Variants in CACNA2D3 observed in about 807,000 individuals in gnomAD.
CACNA2D3 encodes the protein voltage-dependent calcium channel subunit alpha-2/delta-3.
Under a neutral mutation model 160.6 loss-of-function variants are expected in CACNA2D3, and 60 were observed. The ratio of observed to expected loss-of-function variants is 0.37; its 90% CI spans 0.30 to 0.46. The LOEUF (loss-of-function observed/expected upper bound fraction) is 0.46, where lower values mean the gene tolerates loss of function less well. Among genes scored for constraint, CACNA2D3 ranks in the 20% least tolerant of loss-of-function variants. The pLI is 1.00. For synonymous variants in CACNA2D3, 558 were observed against 492.9 expected, an observed-to-expected ratio of 1.13 and a Z score of -1.75; for missense variants, 1,205 against 1,365.0, an observed-to-expected ratio of 0.88 and a Z score of 1.85.
chr3:54,839,631 C>T (rs923054202), intron 16 of CACNA2D3, among the ~76,000 whole-genome samples: 2 of 152,110 alleles, frequency 1.3e-5, no homozygotes, highest in Non-Finnish European at 1.5e-5. Flanking sequence ...AAAGGGAGCC[C>T]AGGAATCAGG....
rs549490053 is a variant in CACNA2D3, at chr3:54,401,204, A to G, written c.381+14430A>G. On this transcript the variant is annotated intron_variant, in intron 4 of 37. Transcript: ENST00000474759. ...AAATTACCTAGTCAACGGAAAAAAAAGAAAAATGAATGAAAGATTGAAGAC... is the reference window on the plus strand; with the variant it reads ...AAATTACCTAGTCAACGGAAAAAAAGGAAAAATGAATGAAAGATTGAAGAC... Among the ~76,000 whole-genome samples the G allele has an allele frequency of 2.4e-4, 36 of 152,286 alleles. No homozygotes were observed. In the South Asian group the frequency reaches 7.3e-3, roughly 31 times the overall value.
intron 4 of CACNA2D3, among the ~76,000 whole-genome samples, chr3:54,400,973 T>G (rs1262524995): frequency 6.6e-6 from 1 of 152,060 alleles, no homozygotes; most frequent in South Asian, 2.1e-4. Flanking sequence ...AGATTTGAGA[T>G]AAGATAGGCA....
chr3:54,222,904 T>TA (rs1307261425), intron 2 of CACNA2D3, among the ~76,000 whole-genome samples: 2 of 152,248 alleles, frequency 1.3e-5, no homozygotes, highest in African/African-American at 4.8e-5. Flanking sequence ...AATGTACTTA[T>TA]AATTAATGGA....
rs574798162 is a variant in CACNA2D3 at position 54,577,494 on chromosome 3, AT to A, written c.889-4308del. Reference sequence around the variant, plus strand: ...GATCTCCAGAGAAGGCCAAGGACACATGCCCCTGTTCCAAAGAGTGAGTCAC... The same window carrying A: ...GATCTCCAGAGAAGGCCAAGGACACAGCCCCTGTTCCAAAGAGTGAGTCAC... On this transcript the variant is annotated intron_variant, in intron 8 of 37. Coordinates refer to ENST00000474759, the MANE Select transcript of CACNA2D3 (RefSeq NM_018398.3). Among the ~76,000 whole-genome samples the A allele has an allele frequency of 2.5e-3, 377 of 152,326 alleles. 2 individuals are homozygous for A. Among genetic ancestry groups the A allele is most frequent in the Non-Finnish European group, 3.3e-3 (227 of 68,020 alleles).
chr3:54,628,423 C>T (rs1266456315), intron 10 of CACNA2D3, among the ~76,000 whole-genome samples: 8 of 152,030 alleles, frequency 5.3e-5, no homozygotes, highest in Admixed American at 5.2e-4. Flanking sequence ...GCAGCAGGAG[C>T]CAAATTGAGT....
intron 3 of CACNA2D3, among the ~76,000 whole-genome samples, chr3:54,342,729 C>T (rs891827258): frequency 2.6e-5 from 4 of 152,300 alleles, no homozygotes; most frequent in East Asian, 1.9e-4. Context: ...ACATCAATAA[C>T]GAGAGTGTCT....
At chr3:54,529,755 TC>T (rs1701778993) in intron 5 of CACNA2D3, among the ~76,000 whole-genome samples, 1 of 152,236 alleles carries the variant, frequency 6.6e-6, no homozygotes. Flanking sequence ...TAATTATCTT[TC>T]TTTATAATTC....
chr3:54,155,835 A>G (rs891935972), intron 2 of CACNA2D3, among the ~76,000 whole-genome samples: 3 of 152,210 alleles, frequency 2.0e-5, no homozygotes, highest in Non-Finnish European at 4.4e-5. Context: ...ACTTCCCAGA[A>G]CAAAACTTCA....
At chr3:54,693,494 G>A (rs1172494313) in intron 11 of CACNA2D3, among the ~76,000 whole-genome samples, 3 of 152,174 alleles carry the variant, frequency 2.0e-5, no homozygotes, top group Non-Finnish European at 4.4e-5. Context: ...TGATAACTAT[G>A]TTACTGGTTT....
chr3:54,444,495 G>A (rs1160375969), intron 4 of CACNA2D3, among the ~76,000 whole-genome samples: 5 of 152,100 alleles, frequency 3.3e-5, no homozygotes, highest in Non-Finnish European at 5.9e-5. Flanking sequence ...TCATAAAGTG[G>A]TCTTGTGATG....
At chr3:54,830,320 G>T (rs904185075) in intron 14 of CACNA2D3, among the ~76,000 whole-genome samples, 3 of 151,974 alleles carry the variant, frequency 2.0e-5, no homozygotes, top group Non-Finnish European at 4.4e-5. Flanking sequence ...GCACAGCTGT[G>T]TTTTTCCACC....
chr3:54,195,972 C>T (rs532518256), intron 2 of CACNA2D3, among the ~76,000 whole-genome samples: 2 of 152,302 alleles, frequency 1.3e-5, no homozygotes, highest in East Asian at 1.9e-4. Flanking sequence ...TCCAGGAGCA[C>T]GACTGCCATT....
At chr3:55,038,779 T>TA (rs1264158465) in intron 35 of CACNA2D3, among the ~76,000 whole-genome samples, 2 of 150,114 alleles carry the variant, frequency 1.3e-5, no homozygotes, top group African/African-American at 4.9e-5. Context: ...ATGGATGGGA[T>TA]AAAAGTCAGT....
intron 4 of CACNA2D3, among the ~76,000 whole-genome samples, chr3:54,494,847 A>G (rs1220528938): frequency 1.3e-5 from 2 of 152,016 alleles, no homozygotes; most frequent in East Asian, 3.9e-4. Flanking sequence ...AGAGAGAGAG[A>G]GCAAGCATGA....
chr3:54,289,205 A>G (rs945425618), intron 2 of CACNA2D3, among the ~76,000 whole-genome samples: 1 of 152,200 alleles, frequency 6.6e-6, no homozygotes, highest in African/African-American at 2.4e-5. Context: ...CAACTTCAGC[A>G]AAGTCTCAGG....
intron 9 of CACNA2D3, among the ~76,000 whole-genome samples, chr3:54,603,634 A>C (rs1180562269): frequency 6.6e-6 from 1 of 152,244 alleles, no homozygotes; most frequent in Non-Finnish European, 1.5e-5. Context: ...CAAAATGTGG[A>C]ATACTTTCAT....
At chr3:54,928,064 G>A in intron 27 of CACNA2D3, 1 of 701,140 alleles carries the variant, frequency 1.4e-6, no homozygotes, top group Non-Finnish European at 2.5e-6. Context: ...GAAAACAGTT[G>A]TTGCTTTCAA....
intron 13 of CACNA2D3, among the ~76,000 whole-genome samples, chr3:54,775,609 T>C (rs1282279880): frequency 1.3e-5 from 2 of 152,168 alleles, no homozygotes; most frequent in Non-Finnish European, 2.9e-5. Flanking sequence ...CTGGGTTGAG[T>C]CCAGTTAGGA....
chr3:54,445,882 G>A (rs1700215458), intron 4 of CACNA2D3, among the ~76,000 whole-genome samples: 1 of 152,168 alleles, frequency 6.6e-6, no homozygotes, highest in African/African-American at 2.4e-5. Flanking sequence ...TCATGAACTT[G>A]TCTCAGAGCT....
Sources: allele counts gnomAD v4.1 joint callset (sites outside exome capture counted in the v4.1 genomes callset), GRCh38; gene constraint gnomAD v4.1.1; transcripts MANE v1.5; gene names NCBI Gene and HGNC (gene_info 2026-07-23, HGNC 2026-07-21).